The following TECTA variants were observed in gnomAD, a reference collection of about 807,000 sequenced individuals.
TECTA encodes alpha-tectorin.
A neutral mutation model predicts 216.8 loss-of-function variants in TECTA; 128 were observed. The ratio of observed to expected loss-of-function variants is 0.59; its 90% CI spans 0.51 to 0.68. The LOEUF (loss-of-function observed/expected upper bound fraction) is 0.68. Ranked by LOEUF, TECTA falls within the 30% of genes least tolerant of loss-of-function variation. The pLI is 0.00. For missense variants in TECTA, 2,551 were observed against 2,786.2 expected (o/e 0.92, Z 1.90); for synonymous variants, 1,089 against 1,117.1 (o/e 0.97, Z 0.50).
At chr11:121,152,419 G>A (rs952388910) in intron 12 of TECTA, among the ~76,000 whole-genome samples, 3 of 152,242 alleles carry the variant, frequency 2.0e-5, no homozygotes, top group African/African-American at 7.2e-5. Flanking sequence ...GGTAAGGTGG[G>A]ACTCCCACTG....
chr11:121,159,586 T>C lies in TECTA; in HGVS notation c.4690-549T>C, dbSNP rs76290760. 2.9e-3 allele frequency among the ~76,000 whole-genome samples: 443 copies of C among 152,234 alleles called. 2 individuals carry two copies. Among genetic ancestry groups the C allele is most frequent in the African/African-American group, 8.5e-3 (351 of 41,530 alleles). ...GAAAAATGACAAATGCAGAAAATAA[T>C]GTGTGTATAGGTCCTCTGGGGGGAC... is the stretch of plus-strand genomic sequence containing the variant. On this transcript the variant is annotated intron_variant, in intron 14 of 23. Transcript: ENST00000392793.
intron 20 of TECTA, among the ~76,000 whole-genome samples, chr11:121,169,367 T>C (rs1244298472): frequency 6.6e-6 from 1 of 152,222 alleles, no homozygotes; most frequent in Non-Finnish European, 1.5e-5. Context: ...AGTTTCTGTT[T>C]ACTCACCACT....
At chr11:121,111,992 C>G (rs1946446523) in intron 4 of TECTA, among the ~76,000 whole-genome samples, 1 of 152,154 alleles carries the variant, frequency 6.6e-6, no homozygotes, top group African/African-American at 2.4e-5. Context: ...ATCCTCTACC[C>G]CAGTTTGATT....
intron 10 of TECTA, among the ~76,000 whole-genome samples, chr11:121,132,324 G>A (rs1204803825): frequency 6.6e-6 from 1 of 152,200 alleles, no homozygotes; most frequent in African/African-American, 2.4e-5. Flanking sequence ...GCCAGTGGGA[G>A]TCCCCTCCAG....
chr11:121,134,809 T>A (rs1440852100), intron 10 of TECTA, among the ~76,000 whole-genome samples: 1 of 152,212 alleles, frequency 6.6e-6, no homozygotes, highest in African/African-American at 2.4e-5. Flanking sequence ...TTGTGCTGCA[T>A]GGAGCACAGT....
intron 20 of TECTA, among the ~76,000 whole-genome samples, chr11:121,173,422 C>A (rs1157332217): frequency 7.1e-6 from 1 of 141,146 alleles, no homozygotes; most frequent in Non-Finnish European, 1.5e-5. Context: ...AGCCAGTTTT[C>A]CCAGCACCAT....
chr11:121,125,914 A>G, intron 8 of TECTA, 42 bp downstream of exon 8: 1 of 1,594,258 alleles, frequency 6.3e-7, no homozygotes, highest in Non-Finnish European at 8.5e-7. Context: ...TCTCTTGTGC[A>G]GGGGGCAGGG....
At chr11:121,107,880 A>G (rs1341656048) in intron 3 of TECTA, among the ~76,000 whole-genome samples, 1 of 152,218 alleles carries the variant, frequency 6.6e-6, no homozygotes, top group Non-Finnish European at 1.5e-5. Context: ...TAAAGTAGTC[A>G]TGCCTCCATT....
Position 121,166,594 on chromosome 11 carries a change from C to T in TECTA, c.5400C>T (p.Ile1800=). The change falls in exon 18 of 24, where the codon ATC becomes ATT. Residue 1800 remains isoleucine, a synonymous_variant. Transcript: ENST00000392793. ...PPYGNNSHDI[I]DAEVTCKAAQ... ...TTCCCACAGACTCACATGACATTAT[C>T]GATGCAGAGGTGACCTGCAAAGCAG... The T allele has an allele frequency of 6.2e-6, 10 of 1,614,140 alleles. No homozygotes were observed. Among genetic ancestry groups the T allele is most frequent in the Non-Finnish European group, 8.5e-6 (10 of 1,180,020 alleles).
intron 2 of TECTA, among the ~76,000 whole-genome samples, chr11:121,103,644 T>C (rs889063886): frequency 6.6e-6 from 1 of 152,112 alleles, no homozygotes; most frequent in Non-Finnish European, 1.5e-5. Flanking sequence ...AGGGCAAGCA[T>C]GGATAGGGAT....
chr11:121,158,032 C>G lies in TECTA; in HGVS notation c.4497C>G (p.Asp1499Glu). 5 of 1,613,088 alleles carry G rather than the reference C, an allele frequency of 3.1e-6. No individual in the cohort carries two copies. The highest frequency in any genetic ancestry group is 4.2e-6 in the Non-Finnish European group (5 of 1,179,932). Residue 1499 changes from aspartate (D) to glutamate (E), a missense_variant, in exon 14 of 24, where the codon GAC becomes GAG. Physicochemically the swap from Asp to Glu is conservative, Grantham distance 45. This residue lies in a region of TECTA where 2,375 missense variants were observed against 2,563.9 expected (regional missense o/e 0.93). Transcript: ENST00000392793. ...AAGGGVFRTF[D>E]GAFLRFPANC... The stretch of plus-strand genomic sequence containing the variant: ...GCGGCGGCGTCTTCCGCACCTTCGA[C>G]GGCGCCTTCCTGCGCTTCCCAGCCA...
chr11:121,190,536 CTT>C (rs1947331165), intron 23 of TECTA, among the ~76,000 whole-genome samples, 168 bp from the exon 24 acceptor site: 1 of 152,194 alleles, frequency 6.6e-6, no homozygotes, highest in African/African-American at 2.4e-5. Context: ...GTAGGACTCT[CTT>C]AAGATTGGAT....
chr11:121,131,838 G>T (rs1210980961), intron 10 of TECTA, among the ~76,000 whole-genome samples: 1 of 152,102 alleles, frequency 6.6e-6, no homozygotes, highest in Non-Finnish European at 1.5e-5. Flanking sequence ...TTGAAATTAT[G>T]CATTTTTGGC....
intron 12 of TECTA, among the ~76,000 whole-genome samples, chr11:121,148,234 C>T (rs886724534): frequency 1.3e-5 from 2 of 152,094 alleles, no homozygotes; most frequent in Admixed American, 6.6e-5. Context: ...CCCACCAGCA[C>T]GTTCCAGGCC....
chr11:121,109,702 G>A (rs756658316), intron 4 of TECTA: 187 of 618,942 alleles, frequency 3.0e-4, no homozygotes, highest in Non-Finnish European at 4.5e-4. Flanking sequence ...TATTTCAGAA[G>A]ATATGTCACC....
chr11:121,128,590 T>TA (rs1946640853), intron 9 of TECTA, among the ~76,000 whole-genome samples: 1 of 152,228 alleles, frequency 6.6e-6, no homozygotes, highest in Non-Finnish European at 1.5e-5. Flanking sequence ...AGCAAATACT[T>TA]ACAGAACACT....
Position 121,113,344 on chromosome 11 carries a change from G to A in TECTA, c.624+135G>A. 2.6e-6 allele frequency: 4 copies of A among 1,518,900 alleles called. No homozygotes were observed. Among genetic ancestry groups the A allele is most frequent in the Non-Finnish European group, 3.6e-6 (4 of 1,107,734 alleles). 94.1% of individuals were successfully genotyped at this position (1,518,900 alleles called of 1,614,324 possible). A position where few individuals can be genotyped will look rare whatever the true frequency, so the allele number is the denominator to read the frequency against. ...AGGTCTGATCTCGCAGGTGGACTAC[G>A]AGGCTAGTCCTGCCCATGTTTGGCA... is the stretch of plus-strand genomic sequence containing the variant. On this transcript the variant is annotated intron_variant, in intron 5 of 23. Coordinates refer to ENST00000392793, the MANE Select transcript of TECTA (RefSeq NM_005422.4). This position sits in a 1 kb window ranked among gnomAD's most constrained non-coding sequence, Gnocchi z 4.2.
chr11:121,147,556 TA>T (rs1946850472), intron 12 of TECTA, among the ~76,000 whole-genome samples: 1 of 151,930 alleles, frequency 6.6e-6, no homozygotes, highest in Non-Finnish European at 1.5e-5. Flanking sequence ...AATATGCCTA[TA>T]AAAAAGCTCG....
intron 4 of TECTA, chr11:121,110,083 A>G (rs1478677635): frequency 6.4e-6 from 1 of 155,766 alleles, no homozygotes; most frequent in Non-Finnish European, 1.4e-5. Flanking sequence ...TCATGAATAA[A>G]GTTTCAACAT....
Sources: gnomAD v4.1 joint callset for allele counts (sites outside exome capture counted in the v4.1 genomes callset) on GRCh38, gnomAD v4.1.1 for gene constraint, gnomAD v4.1.1 regional missense constraint, Gnocchi (gnomAD v3.1) non-coding constraint, MANE v1.5 for transcripts, NCBI Gene and HGNC (gene_info 2026-07-23, HGNC 2026-07-21) for gene names.